The following ZFR variants were observed in gnomAD, a reference collection of about 807,000 sequenced individuals.
ZFR encodes zinc finger RNA-binding protein.
Under a neutral mutation model 130.7 loss-of-function variants are expected in ZFR, and 19 were observed. The ratio of observed to expected loss-of-function variants is 0.15; its 90% confidence interval spans 0.10 to 0.21. The LOEUF (loss-of-function observed/expected upper bound fraction) is 0.21. ZFR is among the 10% of genes least tolerant of loss of function. The pLI is 1.00. For synonymous variants in ZFR, 466 were observed against 456.9 expected (o/e 1.02, Z -0.25); for missense variants, 872 against 1,321.5 (o/e 0.66, Z 5.27).
chr5:32,390,023 C>T (rs1321867958), intron 12 of ZFR, among the ~76,000 whole-genome samples: 2 of 152,196 alleles, frequency 1.3e-5, no homozygotes, highest in Admixed American at 6.5e-5. Context: ...TGTTGGTGAG[C>T]ACCTGTAATC....
chr5:32,379,116 C>A lies in ZFR; in HGVS notation c.2834G>T (p.Trp945Leu), dbSNP rs1334187747. The A allele has an allele frequency of 6.2e-7, 1 of 1,611,990 alleles. No individual in the cohort carries two copies. Among genetic ancestry groups the A allele is most frequent in the East Asian group, 2.2e-5 (1 of 44,828 alleles). Residue 945 changes from tryptophan to leucine, a missense_variant and splice_region_variant, in exon 17 of 20, where the codon TGG becomes TTG. This residue lies in a region of ZFR where 158 missense variants were observed against 264.0 expected (regional missense o/e 0.60). Transcript: ENST00000265069. ...ACCATACAGTTACGTACTACTTACC[C>A]AGCTTGGAAAATCAGACCAAGTTGG... is the stretch of plus-strand genomic sequence containing the variant. ...RVPTWSDFPS[W>L]AMELLVEKAI...
intron 2 of ZFR, among the ~76,000 whole-genome samples, chr5:32,429,246 A>G (rs1754147464): frequency 1.3e-5 from 2 of 152,100 alleles, no homozygotes; most frequent in Non-Finnish European, 2.9e-5. Flanking sequence ...TTGGCCTCCC[A>G]AAGCGCTGGG....
At chr5:32,397,149 A>G (rs571298108) in intron 10 of ZFR, 70 bp downstream of exon 10, 2 of 1,517,080 alleles carry the variant, frequency 1.3e-6, no homozygotes, top group African/African-American at 1.4e-5. Context: ...TCTTTTACAT[A>G]AAGAATGCTC....
rs181458946 is a variant in ZFR at position 32,434,136 on chromosome 5, T to C, written c.137+10093A>G. 1.2e-4 allele frequency among the ~76,000 whole-genome samples: 18 copies of C among 152,378 alleles called. No individual in the cohort carries two copies. In the East Asian group the frequency reaches 3.5e-3, roughly 29 times the overall value. The stretch of plus-strand genomic sequence containing the variant: ...TGCTTAGCAAAATAGGATATTCTGG[T>C]TCTCCTCACAGAATATTATAAAACG... On this transcript the variant is annotated intron_variant, in intron 2 of 19. Coordinates refer to ENST00000265069, the MANE Select transcript of ZFR (RefSeq NM_016107.5).
chr5:32,420,615 T>C (rs909477506), intron 2 of ZFR, among the ~76,000 whole-genome samples: 4 of 152,150 alleles, frequency 2.6e-5, no homozygotes, highest in Admixed American at 1.3e-4. Flanking sequence ...TTTAGGACAG[T>C]TGGTATTCAA....
At position 32,417,685 on chromosome 5, in the gene ZFR, T is replaced by G. The variant is rs751070876; in HGVS notation, c.528A>C (p.Gln176His). ...AAGTTTCAGCAACAGAAGGCTGAGG[T>G]TGGGCAGCGGCAGCTACAGCAGCAG... ...ATAAAVAAAAQPQPSVAETYY... is the reference protein window; with the variant it reads ...ATAAAVAAAAHPQPSVAETYY... The change falls in exon 4 of 20, where the codon CAA becomes CAC. Residue 176 changes from glutamine (Q) to histidine (H), a missense_variant. Gln to His is a conservative substitution (Grantham distance 24). Around this residue, in one of 7 missense-constraint regions of ZFR, gnomAD observed 240 missense variants for 441.2 expected, o/e 0.54. Transcript: ENST00000265069. The G allele has an allele frequency of 2.5e-6, 4 of 1,613,752 alleles. No individual in the cohort carries two copies. The Middle Eastern group carries it at 4.9e-4, about 199-fold the overall frequency.
chr5:32,442,445 C>T (rs550607901), intron 2 of ZFR, among the ~76,000 whole-genome samples: 60 of 152,274 alleles, frequency 3.9e-4, no homozygotes, highest in Middle Eastern at 6.8e-3. Context: ...TTTTAAAAGT[C>T]CTAAAAAGTT....
At chr5:32,433,705 C>A (rs749152718) in intron 2 of ZFR, among the ~76,000 whole-genome samples, 1 of 152,198 alleles carries the variant, frequency 6.6e-6, no homozygotes, top group African/African-American at 2.4e-5. Context: ...TTTCCAATCA[C>A]TTTTATATAA....
intron 15 of ZFR, among the ~76,000 whole-genome samples, chr5:32,384,147 T>TA (rs1252200573): frequency 1.3e-5 from 2 of 152,174 alleles, no homozygotes; most frequent in Non-Finnish European, 2.9e-5. Context: ...TATTCTGAAA[T>TA]AAAGTTAAAT....
rs766240772 is a variant in ZFR at position 32,380,096 on chromosome 5, T to C, written c.2718A>G (p.Leu906=). The change falls in exon 16 of 20, where the codon CTA becomes CTG. Residue 906 remains leucine (L), a synonymous_variant. Transcript: ENST00000265069. ...RQKCLDALAA[L]RHAKWFQARA... ...GAACCTGGAACCACTTAGCGTGGCGTAGAGCAGCCAGAGCGTCAAGGCATT... is the reference window on the plus strand; with the variant it reads ...GAACCTGGAACCACTTAGCGTGGCGCAGAGCAGCCAGAGCGTCAAGGCATT... 1.2e-6 allele frequency: 2 copies of C among 1,613,988 alleles called. No homozygotes were observed. Among genetic ancestry groups the C allele is most frequent in the Non-Finnish European group, 1.7e-6 (2 of 1,179,954 alleles).
At chr5:32,356,179 T>C (rs956231910) in intron 19 of ZFR, among the ~76,000 whole-genome samples, 2 of 152,076 alleles carry the variant, frequency 1.3e-5, no homozygotes, top group Admixed American at 6.6e-5. Context: ...CAAAAAACTT[T>C]AACACACACA....
At chr5:32,422,704 G>A (rs1229447778) in intron 2 of ZFR, among the ~76,000 whole-genome samples, 1 of 148,740 alleles carries the variant, frequency 6.7e-6, no homozygotes, top group Non-Finnish European at 1.5e-5. Flanking sequence ...GGAGGCTGAG[G>A]TGGGAGGATC....
At chr5:32,437,155 A>G (rs529067167) in intron 2 of ZFR, among the ~76,000 whole-genome samples, 51 of 152,308 alleles carry the variant, frequency 3.3e-4, no homozygotes, top group African/African-American at 1.2e-3. Context: ...TTCAGAATGA[A>G]AGAACACGAA....
chr5:32,381,194 A>G (rs1277339205), intron 15 of ZFR, among the ~76,000 whole-genome samples: 1 of 152,198 alleles, frequency 6.6e-6, no homozygotes, highest in African/African-American at 2.4e-5. Context: ...TTAAAACATA[A>G]ATGAGCTACA....
At position 32,387,711 on chromosome 5, in the gene ZFR, T is replaced by A; in HGVS notation, c.2349-12A>T. 1 of 1,598,384 alleles carries A rather than the reference T, an allele frequency of 6.3e-7. No homozygotes were observed. Among genetic ancestry groups the A allele is most frequent in the Non-Finnish European group, 8.5e-7 (1 of 1,171,568 alleles). ...CTCCTTTCAAAGCTCTGCAGTAAAA[T>A]AAAATTATATTATGATATTTCTCTG... is the stretch of plus-strand genomic sequence containing the variant. On this transcript the variant is annotated splice_polypyrimidine_tract_variant and intron_variant, in intron 13 of 19. Transcript: ENST00000265069.
chr5:32,410,426 T>C (rs1417476413), intron 5 of ZFR, among the ~76,000 whole-genome samples: 2 of 151,582 alleles, frequency 1.3e-5, no homozygotes, highest in Non-Finnish European at 2.9e-5. Flanking sequence ...CTGTGCAACA[T>C]GGCAAAACCC....
At chr5:32,358,872 T>G (rs1354983193) in intron 19 of ZFR, among the ~76,000 whole-genome samples, 1 of 152,100 alleles carries the variant, frequency 6.6e-6, no homozygotes, top group Non-Finnish European at 1.5e-5. Flanking sequence ...TCATATCATC[T>G]TATCTTGTGC....
chr5:32,394,375 T>C (rs1253212973), intron 11 of ZFR: 1 of 169,384 alleles, frequency 5.9e-6, no homozygotes, highest in East Asian at 1.9e-4. Flanking sequence ...TAGACTGTAG[T>C]AAGTTGATGC....
chr5:32,378,115 C>T (rs1359822496), intron 17 of ZFR, among the ~76,000 whole-genome samples: 1 of 152,182 alleles, frequency 6.6e-6, no homozygotes, highest in African/African-American at 2.4e-5. Context: ...ACCCAACCTT[C>T]TGGTGAACAA....
Sources: allele counts gnomAD v4.1 joint callset (sites outside exome capture counted in the v4.1 genomes callset), GRCh38; gene constraint gnomAD v4.1.1; regional missense constraint gnomAD v4.1.1; transcripts MANE v1.5; gene names NCBI Gene and HGNC (gene_info 2026-07-23, HGNC 2026-07-21).